Variants in XKR4 observed in about 807,000 individuals in gnomAD.
The protein encoded by XKR4 is XK-related protein 4.
Under a neutral mutation model 53.9 loss-of-function variants are expected in XKR4, and 12 were observed. That is an observed-to-expected ratio of 0.22 (90% confidence interval 0.14 to 0.36). The LOEUF (loss-of-function observed/expected upper bound fraction) is 0.36, where lower values mean the gene tolerates loss of function less well. XKR4 is among the 10% of genes least tolerant of loss of function. The pLI, the probability that XKR4 is intolerant of heterozygous loss-of-function variation, is 1.00. For missense variants in XKR4, 799 were observed against 859.5 expected (o/e 0.93, Z 0.88); for synonymous variants, 354 against 362.4 (o/e 0.98, Z 0.26).
At chr8:55,267,942 T>C (rs1818635069) in intron 1 of XKR4, among the ~76,000 whole-genome samples, 1 of 152,158 alleles carries the variant, frequency 6.6e-6, no homozygotes, top group Non-Finnish European at 1.5e-5. Flanking sequence ...GCCAACCCTA[T>C]TTCTCTTTTA....
intron 2 of XKR4, chr8:55,453,994 G>A (rs1805507256): frequency 2.4e-6 from 2 of 848,930 alleles, no homozygotes; most frequent in Non-Finnish European, 3.9e-6. Context: ...GGAAGCGGAT[G>A]ACAGGCTCCG....
chr8:55,488,051 G>T (rs960739406), intron 2 of XKR4, among the ~76,000 whole-genome samples: 1 of 152,166 alleles, frequency 6.6e-6, no homozygotes, highest in Non-Finnish European at 1.5e-5. Flanking sequence ...AGACATTAGT[G>T]CTTTTGATCA....
intron 1 of XKR4, among the ~76,000 whole-genome samples, chr8:55,142,882 T>G (rs1354810064): frequency 1.3e-5 from 2 of 152,220 alleles, no homozygotes; most frequent in Non-Finnish European, 2.9e-5. Flanking sequence ...CACCAGCATG[T>G]GGACGAAGGA....
rs368522438 is a variant in XKR4, at chr8:55,474,850, G to A, written c.1007-48431G>A. ...GACACCCAGGCACCACATTATCAGA[G>A]TGTTCTTCTAAAACTGAATGTTTGT... On this transcript the variant is annotated intron_variant, in intron 2 of 2. Transcript: ENST00000327381. Among the ~76,000 whole-genome samples, 4 of 152,178 alleles carry A rather than the reference G, an allele frequency of 2.6e-5. No individual in the cohort carries two copies. In the East Asian group the frequency reaches 5.8e-4, roughly 22 times the overall value.
intron 2 of XKR4, among the ~76,000 whole-genome samples, chr8:55,369,385 G>GACA (rs1804037528): frequency 1.1e-5 from 1 of 89,336 alleles, no homozygotes; most frequent in African/African-American, 5.4e-5. Context: ...GGGAGGGGAG[G>GACA]GGAGGGGAGG....
intron 2 of XKR4, chr8:55,449,415 C>T (rs571425357): frequency 9.1e-6 from 6 of 659,574 alleles, no homozygotes; most frequent in African/African-American, 9.0e-5. Flanking sequence ...TGCCGAGGGC[C>T]GGGCCGGGGC....
chr8:55,508,982 A>T (rs542723885), intron 2 of XKR4, among the ~76,000 whole-genome samples: 1 of 152,312 alleles, frequency 6.6e-6, no homozygotes, highest in African/African-American at 2.4e-5. Context: ...TAAGTATATA[A>T]ACTTTTGGAA....
At chr8:55,137,648 C>T (rs943311851) in intron 1 of XKR4, among the ~76,000 whole-genome samples, 22 of 150,134 alleles carry the variant, frequency 1.5e-4, no homozygotes, top group African/African-American at 4.9e-4. Flanking sequence ...ACTGCAGTCT[C>T]AAACTCCTGG....
intron 1 of XKR4, among the ~76,000 whole-genome samples, chr8:55,236,241 G>A (rs932935251): frequency 6.6e-6 from 1 of 152,132 alleles, no homozygotes; most frequent in Admixed American, 6.5e-5. Context: ...GTGATGCTTT[G>A]CTGCCTTTTT....
At chr8:55,231,874 T>C (rs1196004841) in intron 1 of XKR4, among the ~76,000 whole-genome samples, 1 of 152,194 alleles carries the variant, frequency 6.6e-6, no homozygotes, top group African/African-American at 2.4e-5. Flanking sequence ...TCTGTGTACA[T>C]GAAGAGCAGA....
chr8:55,316,231 G>A (rs1187974258), intron 1 of XKR4, among the ~76,000 whole-genome samples: 1 of 152,152 alleles, frequency 6.6e-6, no homozygotes, highest in African/African-American at 2.4e-5. Flanking sequence ...AATCTGTTGA[G>A]GGATGTTTCC....
chr8:55,244,975 C>T (rs1410628107), intron 1 of XKR4, among the ~76,000 whole-genome samples: 1 of 149,528 alleles, frequency 6.7e-6, no homozygotes, highest in African/African-American at 2.5e-5. Context: ...GATCTTGGCT[C>T]ACTGCAATCT....
rs376917929 is a variant in XKR4 at position 55,166,023 on chromosome 8, G to A, written c.806+62729G>A. Reference sequence around the variant, plus strand: ...GTGTGATGTTGTCAGAAATGACTTTGGCATTACTCTGAACAAGCTTAATGG... The same window carrying A: ...GTGTGATGTTGTCAGAAATGACTTTAGCATTACTCTGAACAAGCTTAATGG... On this transcript the variant is annotated intron_variant, in intron 1 of 2. Coordinates refer to ENST00000327381, the MANE Select transcript of XKR4 (RefSeq NM_052898.2). Among the ~76,000 whole-genome samples the A allele has an allele frequency of 4.8e-4, 73 of 152,194 alleles. 1 individual carries two copies. Among genetic ancestry groups the A allele is most frequent in the African/African-American group, 1.7e-3 (69 of 41,536 alleles).
intron 1 of XKR4, among the ~76,000 whole-genome samples, chr8:55,158,047 TG>T (rs1266346643): frequency 6.6e-6 from 1 of 152,246 alleles, no homozygotes; most frequent in Non-Finnish European, 1.5e-5. Context: ...ATGGGATTGC[TG>T]GGTTGAATGG....
intron 2 of XKR4, among the ~76,000 whole-genome samples, chr8:55,475,178 T>C (rs1272743958): frequency 2.0e-5 from 3 of 152,100 alleles, no homozygotes; most frequent in Non-Finnish European, 2.9e-5. Context: ...AGTGGTGACC[T>C]CTGCCCCCAT....
chr8:55,520,828 G>A (rs1806786953), intron 2 of XKR4: 1 of 152,396 alleles, frequency 6.6e-6, no homozygotes. Context: ...AATAAAAGGG[G>A]TAGAGATTAC....
At chr8:55,456,789 G>A (rs1295660941) in intron 2 of XKR4, among the ~76,000 whole-genome samples, 1 of 152,134 alleles carries the variant, frequency 6.6e-6, no homozygotes, top group East Asian at 1.9e-4. Context: ...GTAGGGCAAT[G>A]TTAAGCCTAC....
intron 1 of XKR4, among the ~76,000 whole-genome samples, chr8:55,243,231 G>A (rs1024349859): frequency 6.6e-6 from 1 of 152,100 alleles, no homozygotes; most frequent in Non-Finnish European, 1.5e-5. Context: ...TTCACTCTTC[G>A]TGGTGTACAT....
intron 2 of XKR4, among the ~76,000 whole-genome samples, chr8:55,426,495 G>C (rs1805015828): frequency 1.3e-5 from 2 of 152,192 alleles, no homozygotes; most frequent in South Asian, 4.1e-4. Context: ...AACTTAATAA[G>C]TCATATTTAA....
Sources: allele counts gnomAD v4.1 joint callset (sites outside exome capture counted in the v4.1 genomes callset), GRCh38; gene constraint gnomAD v4.1.1; transcripts MANE v1.5; gene names NCBI Gene and HGNC (gene_info 2026-07-23, HGNC 2026-07-21).